Variants in ASNSD1 observed in about 807,000 individuals in gnomAD.
ASNSD1 encodes the protein asparagine synthetase domain containing 1, also known as asparagine synthetase domain-containing protein 1.
ASNSD1 carries 36 observed loss-of-function variants against 48.3 expected under a neutral mutation model. The observed-to-expected ratio is 0.75, with a 90% CI of 0.57 to 0.99. The LOEUF (loss-of-function observed/expected upper bound fraction) is 0.99, where lower values mean the gene tolerates loss of function less well. Among genes scored for constraint, ASNSD1 ranks in the 50% least tolerant of loss-of-function variants. ASNSD1 has a pLI of 0.00. For missense variants in ASNSD1, 714 were observed against 758.2 expected (o/e 0.94, Z 0.69); for synonymous variants, 257 against 262.1 (o/e 0.98, Z 0.19).
chr2:189,669,371 C>G (rs2032876008), intron 5 of ASNSD1, among the ~76,000 whole-genome samples: 1 of 152,040 alleles, frequency 6.6e-6, no homozygotes, highest in Non-Finnish European at 1.5e-5. Flanking sequence ...TAGTAAAAGC[C>G]CTTACTTATG....
intron 5 of ASNSD1, 83 bp downstream of exon 5, chr2:189,668,028 C>G (rs1024920299): frequency 3.1e-6 from 4 of 1,304,984 alleles, no homozygotes; most frequent in South Asian, 1.5e-5. Flanking sequence ...TTTGTTTTCT[C>G]TTTGGAGACT....
chr2:189,667,414 G>C lies in ASNSD1; in HGVS notation c.1282G>C (p.Val428Leu). ...AVSPSRIWNF[V>L]EINVSMEELQ... The stretch of plus-strand genomic sequence containing the variant: ...TAGCCCTTCCCGAATTTGGAATTTT[G>C]TTGAAATTAATGTTTCTATGGAAGA... Residue 428 changes from valine to leucine, a missense_variant, in exon 4 of 6, where the codon GTT becomes CTT. Transcript: ENST00000260952. 1.2e-6 allele frequency: 2 copies of C among 1,614,148 alleles called. No homozygotes were observed. Among genetic ancestry groups the C allele is most frequent in the Non-Finnish European group, 1.7e-6 (2 of 1,180,032 alleles).
chr2:189,669,532 T>TAA (rs2032879427), intron 5 of ASNSD1, among the ~76,000 whole-genome samples: 1 of 152,244 alleles, frequency 6.6e-6, no homozygotes, highest in African/African-American at 2.4e-5. Context: ...TTGATTTGAT[T>TAA]CTCTAGTTAA....
Position 189,666,777 on chromosome 2 carries a change from G to A in ASNSD1, c.645G>A (p.Leu215=), listed in dbSNP as rs1410995096. The change falls in exon 4 of 6, where the codon CTG becomes CTA. Residue 215 remains leucine, a synonymous_variant. Transcript: ENST00000260952. ...ENIIEENVNS[L]SQISADLPAF... is the part of the protein sequence containing the mutation. ...TTATTGAAGAAAATGTTAATAGCCTGAGTCAAATTTCAGCAGACTTACCAG... is the reference window on the plus strand; with the variant it reads ...TTATTGAAGAAAATGTTAATAGCCTAAGTCAAATTTCAGCAGACTTACCAG... 1 of 1,613,816 alleles carries A rather than the reference G, an allele frequency of 6.2e-7. No homozygotes were observed. The highest frequency in any genetic ancestry group is 8.5e-7 in the Non-Finnish European group (1 of 1,179,834).
chr2:189,669,077 CTT>C (rs796092345), intron 5 of ASNSD1, among the ~76,000 whole-genome samples: 12 of 152,268 alleles, frequency 7.9e-5, no homozygotes, highest in African/African-American at 2.6e-4. Flanking sequence ...CTCTCTCTCT[CTT>C]TGACTTCATT....
At chr2:189,664,074 C>T in intron 2 of ASNSD1, 120 bp downstream of exon 2, 1 of 332,428 alleles carries the variant, frequency 3.0e-6, no homozygotes, top group Non-Finnish European at 5.4e-6. Context: ...TATAGTATTT[C>T]AGCATCTTTT....
chr2:189,667,529 T>C lies in ASNSD1; in HGVS notation c.1397T>C (p.Phe466Ser). Residue 466 changes from phenylalanine (F) to serine (S), a missense_variant, in exon 4 of 6, where the codon TTT becomes TCT. Phe to Ser is a radical substitution (Grantham distance 155). Transcript: ENST00000260952. ...GATAGCATTGGCTGTGCAGTCTGGT[T>C]TGCTTCTAGAGGAATTGGTTGGTTA... The part of the protein sequence containing the change: ...LDDSIGCAVW[F>S]ASRGIGWLVA... The C allele has an allele frequency of 3.1e-6, 5 of 1,614,158 alleles. No individual in the cohort carries two copies. Among genetic ancestry groups the C allele is most frequent in the Non-Finnish European group, 4.2e-6 (5 of 1,180,002 alleles).
chr2:189,666,983 A>G lies in ASNSD1; in HGVS notation c.851A>G (p.Gln284Arg), dbSNP rs2032821101. The G allele has an allele frequency of 6.2e-7, 1 of 1,614,092 alleles. No individual in the cohort carries two copies. Among genetic ancestry groups the G allele is most frequent in the African/African-American group, 1.3e-5 (1 of 74,946 alleles). ...GATGTACACATGAAGGAAGTAATTC[A>G]GCAGTTCATTGATGTCCTGAGTGTA... ...LTDVHMKEVI[Q>R]QFIDVLSVAV... The change falls in exon 4 of 6, where the codon CAG becomes CGG. Residue 284 changes from glutamine (Q) to arginine (R), a missense_variant. Gln to Arg is a conservative substitution (Grantham distance 43). Coordinates refer to ENST00000260952, the MANE Select transcript of ASNSD1 (RefSeq NM_019048.4).
chr2:189,663,886 T>G lies in ASNSD1; in HGVS notation c.-222-15T>G, dbSNP rs1366956712. 1 of 386,870 alleles carries G rather than the reference T, an allele frequency of 2.6e-6. No individual in the cohort carries two copies. The highest frequency in any genetic ancestry group is 4.6e-6 in the Non-Finnish European group (1 of 217,784). The allele number at this position is 386,870 out of a possible 1,614,324, so 24.0% of individuals were successfully genotyped here. ...GAAAACATCTGACTTAAGGAGTTTTTCTTTATTTCAATAGATTAAAGAACA... is the reference window on the plus strand; with the variant it reads ...GAAAACATCTGACTTAAGGAGTTTTGCTTTATTTCAATAGATTAAAGAACA... On this transcript the variant is annotated splice_polypyrimidine_tract_variant and intron_variant, in intron 1 of 5. Coordinates refer to ENST00000260952, the MANE Select transcript of ASNSD1 (RefSeq NM_019048.4).
Position 189,666,792 on chromosome 2 carries a change from A to G in ASNSD1, c.660A>G (p.Ala220=), listed in dbSNP as rs2032816164. Residue 220 remains alanine (A), a synonymous_variant, in exon 4 of 6, where the codon GCA becomes GCG. Coordinates refer to ENST00000260952, the MANE Select transcript of ASNSD1 (RefSeq NM_019048.4). ...TTAATAGCCTGAGTCAAATTTCAGC[A>G]GACTTACCAGCATTTGTATCAGTGG... ...ENVNSLSQIS[A]DLPAFVSVVA... 4.3e-6 allele frequency: 7 copies of G among 1,613,934 alleles called. No individual in the cohort carries two copies. The highest frequency in any genetic ancestry group is 5.9e-6 in the Non-Finnish European group (7 of 1,179,898).
Position 189,667,495 on chromosome 2 carries a change from G to A in ASNSD1, c.1363G>A (p.Val455Ile). 6.2e-7 allele frequency: 1 copy of A among 1,614,202 alleles called. No individual in the cohort carries two copies. Among genetic ancestry groups the A allele is most frequent in the Non-Finnish European group, 8.5e-7 (1 of 1,180,024 alleles). ...ICHLIRPLDT[V>I]LDDSIGCAVW... ...TCACTTAATTCGGCCATTGGATACA[G>A]TTTTGGATGATAGCATTGGCTGTGC... is the stretch of plus-strand genomic sequence containing the variant. Residue 455 changes from valine (V) to isoleucine (I), a missense_variant, in exon 4 of 6, where the codon GTT (valine) becomes ATT (isoleucine). By Grantham distance (29) the Val-to-Ile change is conservative. Transcript: ENST00000260952.
intron 5 of ASNSD1, 114 bp downstream of exon 5, chr2:189,668,059 C>A: frequency 1.0e-6 from 1 of 981,668 alleles, no homozygotes; most frequent in Non-Finnish European, 1.5e-6. Flanking sequence ...ATAAGAGCAG[C>A]AATAATAGCT....
Position 189,666,154 on chromosome 2 carries a change from G to A in ASNSD1, c.22G>A (p.Val8Ile), listed in dbSNP as rs745531089. The A allele has an allele frequency of 6.3e-7, 1 of 1,582,500 alleles. No homozygotes were observed. The highest frequency in any genetic ancestry group is 8.6e-7 in the Non-Finnish European group (1 of 1,165,800). Residue 8 changes from valine (V) to isoleucine (I), a missense_variant, in exon 4 of 6, where the codon GTA becomes ATA. Physicochemically the swap from Val to Ile is conservative, Grantham distance 29. Transcript: ENST00000260952. ...AACAATGTGTGGCATTTGTTGTTCT[G>A]TAAACTTTTCTGCTGAGCATTTCAG... is the stretch of plus-strand genomic sequence containing the variant. MCGICCS[V>I]NFSAEHFSQD...
chr2:189,667,259 AT>A lies in ASNSD1; in HGVS notation c.1128del (p.Asn376LysfsTer38), dbSNP rs1559035442. The A allele has an allele frequency of 6.2e-7, 1 of 1,614,152 alleles. No individual in the cohort carries two copies. ...TFNREGNKQK[N>X]KCEIPSEEFS... ...AACAGAGAAGGGAATAAACAGAAAAATAAATGTGAAATACCTTCAGAAGAAT... is the reference window on the plus strand; with the variant it reads ...AACAGAGAAGGGAATAAACAGAAAAAAAATGTGAAATACCTTCAGAAGAAT... On this transcript the variant is annotated frameshift_variant, in exon 4 of 6. Transcript: ENST00000260952. LOFTEE classifies it high-confidence loss of function.
chr2:189,661,492 C>G lies in ASNSD1; in HGVS notation c.-341C>G. On this transcript the variant is annotated 5_prime_UTR_variant, in exon 1 of 6. Coordinates refer to ENST00000260952, the MANE Select transcript of ASNSD1 (RefSeq NM_019048.4). ...TGCCGTAGGCTCCTTCAGGGCTGAG[C>G]CATCCCGCGTGTCTTGCGCTCGGTG... 2.5e-6 allele frequency: 1 copy of G among 399,254 alleles called. No individual in the cohort carries two copies. Among genetic ancestry groups the G allele is most frequent in the East Asian group, 3.6e-5 (1 of 28,084 alleles). The allele number at this position is 399,254 out of a possible 1,614,324, so 24.7% of individuals were successfully genotyped here. A position where few individuals can be genotyped will look rare whatever the true frequency, so the allele number is the denominator to read the frequency against.
Position 189,661,474 on chromosome 2 carries a change from G to C in ASNSD1, c.-359G>C. Reference sequence around the variant, plus strand: ...CGCATGCGCTGTGGCTAATGCCGTAGGCTCCTTCAGGGCTGAGCCATCCCG... The same window carrying C: ...CGCATGCGCTGTGGCTAATGCCGTACGCTCCTTCAGGGCTGAGCCATCCCG... On this transcript the variant is annotated 5_prime_UTR_variant, in exon 1 of 6. The change abolishes the stop of an existing upstream ORF in the 5' untranslated region. Coordinates refer to ENST00000260952, the MANE Select transcript of ASNSD1 (RefSeq NM_019048.4). 2.5e-6 allele frequency: 1 copy of C among 399,218 alleles called. No individual in the cohort carries two copies. The highest frequency in any genetic ancestry group is 4.4e-6 in the Non-Finnish European group (1 of 226,176). The allele number at this position is 399,218 out of a possible 1,614,324, so 24.7% of individuals were successfully genotyped here.
At position 189,670,190 on chromosome 2, in the gene ASNSD1, C is replaced by CAA. The variant is rs201038334; in HGVS notation, c.1647-234_1647-233dup. On this transcript the variant is annotated intron_variant, in intron 5 of 5. Transcript: ENST00000260952. ...CTGGGTGCGGTAGTGCTCACCTAGG[C>CAA]AAAAAAAAAAAAAAAAAATCATGTT... Among the ~76,000 whole-genome samples, 232 of 80,390 alleles carry CAA rather than the reference C, an allele frequency of 2.9e-3. 2 individuals are homozygous for CAA. Among genetic ancestry groups the CAA allele is most frequent in the Middle Eastern group, 0.011 (2 of 174 alleles). 52.7% of individuals were successfully genotyped at this position (80,390 alleles called of 152,430 possible).
rs369157040 is a variant in ASNSD1, at chr2:189,661,662, T to C, written c.-223+52T>C. The C allele has an allele frequency of 1.3e-4, 52 of 399,156 alleles. 2 individuals are homozygous for C. The highest frequency in any genetic ancestry group is 9.2e-4 in the Admixed American group (21 of 22,726). The allele number at this position is 399,156 out of a possible 1,614,324, so 24.7% of individuals were successfully genotyped here. ...TCCTGGACTCGGGACCGGGCGCCAC[T>C]GGACCCTGAAGGTGGTCCGCAGCGG... On this transcript the variant is annotated intron_variant, in intron 1 of 5. Transcript: ENST00000260952.
At position 189,666,443 on chromosome 2, in the gene ASNSD1, A is replaced by G. The variant is rs138256489; in HGVS notation, c.311A>G (p.Asn104Ser). Residue 104 changes from asparagine (N) to serine (S), a missense_variant, in exon 4 of 6, where the codon AAT becomes AGT. By Grantham distance (46) the Asn-to-Ser change is conservative. Transcript: ENST00000260952. The part of the protein sequence containing the change: ...ILFNYLSSCK[N>S]ESEILSLFSE... ...TTTAATTATCTTTCCTCCTGTAAGAATGAATCTGAGATTTTGTCACTCTTC... is the reference window on the plus strand; with the variant it reads ...TTTAATTATCTTTCCTCCTGTAAGAGTGAATCTGAGATTTTGTCACTCTTC... 1,657 of 1,613,898 alleles carry G rather than the reference A, an allele frequency of 1.0e-3. 26 individuals are homozygous for G. The African/African-American group carries it at 0.02, about 19-fold the overall frequency.
Sources: allele counts gnomAD v4.1 joint callset (sites outside exome capture counted in the v4.1 genomes callset), GRCh38; gene constraint gnomAD v4.1.1; transcripts MANE v1.5; gene names NCBI Gene and HGNC (gene_info 2026-07-23, HGNC 2026-07-21).